The following NXNL2 variants were observed in gnomAD, a reference collection of about 807,000 sequenced individuals.
The protein encoded by NXNL2 is nucleoredoxin-like protein 2.
Under a neutral mutation model 11.1 loss-of-function variants are expected in NXNL2, and 7 were observed. The observed-to-expected ratio is 0.63, with a 90% CI of 0.36 to 1.18. The LOEUF (loss-of-function observed/expected upper bound fraction) is 1.18. Ranked by LOEUF, NXNL2 falls within the 50% of genes most tolerant of loss-of-function variation. The pLI, the probability that NXNL2 is intolerant of heterozygous loss-of-function variation, is 0.02. For synonymous variants in NXNL2, 109 were observed against 101.8 expected, an observed-to-expected ratio of 1.07 and a Z score of -0.42; for missense variants, 233 against 217.7, an observed-to-expected ratio of 1.07 and a Z score of -0.44.
chr9:88,559,520 C>T (rs981064357), intron 1 of NXNL2, among the ~76,000 whole-genome samples: 1 of 152,156 alleles, frequency 6.6e-6, no homozygotes, highest in Non-Finnish European at 1.5e-5. Flanking sequence ...TCCTCGCTAC[C>T]AAGCACGTTC....
chr9:88,554,493 C>A (rs1201647915), intron 1 of NXNL2, among the ~76,000 whole-genome samples: 1 of 152,200 alleles, frequency 6.6e-6, no homozygotes, highest in Non-Finnish European at 1.5e-5. Context: ...ACATGAGCCA[C>A]CGCACCCAGA....
chr9:88,562,818 T>C (rs1173877989), intron 1 of NXNL2, among the ~76,000 whole-genome samples: 1 of 149,984 alleles, frequency 6.7e-6, no homozygotes, highest in East Asian at 2.0e-4. Flanking sequence ...GCAGAGGAAA[T>C]TTTGCTTATT....
intron 1 of NXNL2, among the ~76,000 whole-genome samples, chr9:88,551,236 G>A (rs1290663225): frequency 1.3e-5 from 2 of 152,182 alleles, no homozygotes; most frequent in African/African-American, 2.4e-5. Flanking sequence ...ATGTCTCAGA[G>A]TTATTTTTCT....
At chr9:88,566,856 ATT>A (rs1182776394) in intron 1 of NXNL2, among the ~76,000 whole-genome samples, 1 of 152,096 alleles carries the variant, frequency 6.6e-6, no homozygotes, top group Non-Finnish European at 1.5e-5. Context: ...TTTTGATGCT[ATT>A]GAAAATGGTA....
chr9:88,543,056 C>T (rs1489825652), intron 1 of NXNL2, among the ~76,000 whole-genome samples: 1 of 152,112 alleles, frequency 6.6e-6, no homozygotes, highest in African/African-American at 2.4e-5. Flanking sequence ...ACGAGAACTG[C>T]AAAACCAAGA....
At chr9:88,580,205 G>A (rs11507227), downstream of NXNL2, among the ~76,000 whole-genome samples, 14,489 of 149,198 alleles carry the variant, frequency 0.097, 2,294 homozygotes, top group African/African-American at 0.33. Context: ...CCAGGCTGGA[G>A]TACAGTGGTG....
intron 1 of NXNL2, among the ~76,000 whole-genome samples, chr9:88,568,335 C>G (rs1002167600): frequency 1.3e-5 from 2 of 152,236 alleles, no homozygotes; most frequent in Non-Finnish European, 2.9e-5. Flanking sequence ...TTCAGCTTTC[C>G]TCTCTCTGGC....
At chr9:88,564,285 T>TCTATTATC (rs1554706562) in intron 1 of NXNL2, among the ~76,000 whole-genome samples, 4,626 of 139,964 alleles carry the variant, frequency 0.033, 132 homozygotes, top group East Asian at 0.14. Flanking sequence ...TATCTATCTA[T>TCTATTATC]TATCTATCTA....
chr9:88,557,017 G>A (rs1471946223), intron 1 of NXNL2, among the ~76,000 whole-genome samples: 1 of 148,590 alleles, frequency 6.7e-6, no homozygotes, highest in East Asian at 2.0e-4. Flanking sequence ...GGAGGCGGAG[G>A]TTGCAGTGAG....
intron 1 of NXNL2, among the ~76,000 whole-genome samples, chr9:88,582,035 C>T (rs905875677): frequency 6.6e-6 from 1 of 152,196 alleles, no homozygotes; most frequent in Non-Finnish European, 1.5e-5. Context: ...CCCCAGAGCT[C>T]ATTCGGGGTT....
In NXNL2 at chr9:88,557,005, C is replaced by T. The variant is rs143096700; in HGVS notation, c.303-14082C>T. ...CTGAGACAGGAGAATCGCTTGAACC[C>T]GGGAGGCGGAGGTTGCAGTGAGCCA... On this transcript the variant is annotated intron_variant, in intron 1 of 2. Transcript: ENST00000375855. Among the ~76,000 whole-genome samples, 577 of 146,922 alleles carry T rather than the reference C, an allele frequency of 3.9e-3. 6 individuals carry two copies. The highest frequency in any genetic ancestry group is 0.014 in the African/African-American group (542 of 39,694).
At chr9:88,537,381 G>C (rs1315409548) in intron 1 of NXNL2, among the ~76,000 whole-genome samples, 2 of 152,216 alleles carry the variant, frequency 1.3e-5, no homozygotes, top group Non-Finnish European at 2.9e-5. Context: ...CTGCTCGTCT[G>C]TTTCTGATGC....
chr9:88,577,622 A>AG (rs1830362880), downstream of NXNL2, among the ~76,000 whole-genome samples: 1 of 65,276 alleles, frequency 1.5e-5, no homozygotes, highest in African/African-American at 6.0e-5. Context: ...GTGGAGAGAG[A>AG]AAGAGAGAGA....
intron 1 of NXNL2, among the ~76,000 whole-genome samples, chr9:88,583,051 C>T (rs939379457): frequency 6.6e-6 from 1 of 152,172 alleles, no homozygotes; most frequent in South Asian, 2.1e-4. Flanking sequence ...ATGGTCTCTA[C>T]TGGACAATTC....
At position 88,571,056 on chromosome 9, in the gene NXNL2, T is replaced by C. The variant is rs557711148; in HGVS notation, c.303-31T>C. The stretch of plus-strand genomic sequence containing the variant: ...CCGGTGCCAGGTCCCCAATACTGTT[T>C]TGATGCTTTCTTTTCTTTTTTTTTT... On this transcript the variant is annotated intron_variant, in intron 1 of 2. Transcript: ENST00000375855. 601 of 420,896 alleles carry C rather than the reference T, an allele frequency of 1.4e-3. 6 individuals are homozygous for C. The highest frequency in any genetic ancestry group is 2.9e-4 in the Non-Finnish European group (63 of 215,168). The allele number at this position is 420,896 out of a possible 1,614,324, so 26.1% of individuals were successfully genotyped here.
chr9:88,561,067 T>C (rs1170792115), intron 1 of NXNL2, among the ~76,000 whole-genome samples: 2 of 152,218 alleles, frequency 1.3e-5, no homozygotes, highest in African/African-American at 4.8e-5. Flanking sequence ...GGATGCAATA[T>C]TGATCCTGGG....
At chr9:88,570,400 G>A (rs578154941) in intron 1 of NXNL2, among the ~76,000 whole-genome samples, 5 of 152,204 alleles carry the variant, frequency 3.3e-5, no homozygotes, top group Admixed American at 6.5e-5. Flanking sequence ...TTACAGGCGT[G>A]AGCCACCATG....
At chr9:88,538,157 T>C (rs982308224) in intron 1 of NXNL2, among the ~76,000 whole-genome samples, 4 of 152,130 alleles carry the variant, frequency 2.6e-5, no homozygotes, top group Non-Finnish European at 5.9e-5. Context: ...GTTCTTTGCC[T>C]CTCATGTGCA....
At chr9:88,566,821 C>T (rs966184148) in intron 1 of NXNL2, among the ~76,000 whole-genome samples, 5 of 152,042 alleles carry the variant, frequency 3.3e-5, no homozygotes, top group African/African-American at 4.8e-5. Flanking sequence ...TTTTTAGTTA[C>T]GTTTATTCCT....
Sources: gnomAD v4.1 joint callset for allele counts (sites outside exome capture counted in the v4.1 genomes callset) on GRCh38, gnomAD v4.1.1 for gene constraint, MANE v1.5 for transcripts, NCBI Gene and HGNC (gene_info 2026-07-23, HGNC 2026-07-21) for gene names.